Variants in DGCR8 observed in about 807,000 individuals in gnomAD.
The protein encoded by DGCR8 is microprocessor complex subunit DGCR8.
DGCR8 carries 14 observed loss-of-function variants against 78.5 expected under a neutral mutation model. The ratio of observed to expected loss-of-function variants is 0.18; its 90% CI spans 0.12 to 0.28. The LOEUF (loss-of-function observed/expected upper bound fraction) is 0.28. Among genes scored for constraint, DGCR8 ranks in the 10% least tolerant of loss-of-function variants. DGCR8 has a pLI of 1.00. For synonymous variants in DGCR8, 399 were observed against 402.4 expected (o/e 0.99, Z 0.10); for missense variants, 702 against 1,022.5 (o/e 0.69, Z 4.28).
Position 20,085,720 on chromosome 22 carries a change from A to G in DGCR8, c.-244A>G. 1 of 1,338,208 alleles carries G rather than the reference A, an allele frequency of 7.5e-7. No individual in the cohort carries two copies. The highest frequency in any genetic ancestry group is 9.5e-7 in the Non-Finnish European group (1 of 1,049,492). The allele number at this position is 1,338,208 out of a possible 1,614,324, so 82.9% of individuals were successfully genotyped here. A position where few individuals can be genotyped will look rare whatever the true frequency, so the allele number is the denominator to read the frequency against. On this transcript the variant is annotated 5_prime_UTR_variant, in exon 2 of 14. Coordinates refer to ENST00000351989, the MANE Select transcript of DGCR8 (RefSeq NM_022720.7). This position sits in a 1 kb window ranked among gnomAD's most constrained non-coding sequence, Gnocchi z 6.2. ...AGAAAGGTGCCACTCCGGCATGAAG[A>G]CAGACTCGCTTAGTCGCCAGTCACT...
At chr22:20,084,379 G>T (rs139998404) in intron 1 of DGCR8, among the ~76,000 whole-genome samples, 1 of 152,232 alleles carries the variant, frequency 6.6e-6, no homozygotes, top group Non-Finnish European at 1.5e-5. Flanking sequence ...GCATGTGCGT[G>T]TGTCTGCATG....
rs531291188 is a variant in DGCR8, at chr22:20,109,908, C to T, written c.2239-117C>T. 869 of 960,314 alleles carry T rather than the reference C, an allele frequency of 9.0e-4. 5 individuals are homozygous for T. In the African/African-American group the frequency reaches 0.011, roughly 12 times the overall value. The allele number at this position is 960,314 out of a possible 1,614,324, so 59.5% of individuals were successfully genotyped here. On this transcript the variant is annotated intron_variant, in intron 13 of 13. Coordinates refer to ENST00000351989, the MANE Select transcript of DGCR8 (RefSeq NM_022720.7). Reference sequence around the variant, plus strand: ...AGCCTGGCATCACAAGCACTGGTGCCGTTGGGGCTCCAGGGCCTCCTGGCA... The same window carrying T: ...AGCCTGGCATCACAAGCACTGGTGCTGTTGGGGCTCCAGGGCCTCCTGGCA...
chr22:20,092,789 C>A lies in DGCR8; in HGVS notation c.1607-20C>A. On this transcript the variant is annotated intron_variant, in intron 7 of 13. Coordinates refer to ENST00000351989, the MANE Select transcript of DGCR8 (RefSeq NM_022720.7). ...ATGTCTTGACTCGTATGTTTTAAAACAAGTAATTTTAATTTTAAGAGAACC... is the reference window on the plus strand; with the variant it reads ...ATGTCTTGACTCGTATGTTTTAAAAAAAGTAATTTTAATTTTAAGAGAACC... 1 of 1,599,022 alleles carries A rather than the reference C, an allele frequency of 6.3e-7. No homozygotes were observed. Among genetic ancestry groups the A allele is most frequent in the Non-Finnish European group, 8.6e-7 (1 of 1,167,560 alleles).
rs545677700 is a variant in DGCR8 at position 20,087,425 on chromosome 22, T to C, written c.880+104T>C. 2 of 1,339,594 alleles carry C rather than the reference T, an allele frequency of 1.5e-6. No homozygotes were observed. The highest frequency in any genetic ancestry group is 5.0e-5 in the East Asian group (2 of 40,080). The allele number at this position is 1,339,594 out of a possible 1,614,324, so 83.0% of individuals were successfully genotyped here. On this transcript the variant is annotated intron_variant, in intron 3 of 13. Transcript: ENST00000351989. This position sits in a 1 kb window ranked among gnomAD's most constrained non-coding sequence, Gnocchi z 4.1. ...AGAGCTCTGGTGCCAGGTAGTGGGC[T>C]GGGTGGAGGCATGTTTGAGGACAGG...
At chr22:20,099,493 A>T (rs562261087) in intron 9 of DGCR8, among the ~76,000 whole-genome samples, 3 of 152,296 alleles carry the variant, frequency 2.0e-5, no homozygotes, top group Non-Finnish European at 4.4e-5. Context: ...TGGGGCCTTG[A>T]GGACCCGTTC....
chr22:20,091,684 AATGTG>A, intron 6 of DGCR8, 52 bp downstream of exon 6: 1 of 1,598,236 alleles, frequency 6.3e-7, no homozygotes, highest in Middle Eastern at 1.7e-4. Flanking sequence ...TGTTATTTCT[AATGTG>A]ATGTGTTGAG....
chr22:20,081,389 G>A (rs2049416617), intron 1 of DGCR8, among the ~76,000 whole-genome samples: 1 of 152,228 alleles, frequency 6.6e-6, no homozygotes, highest in Non-Finnish European at 1.5e-5. Context: ...AGCTTGCCGT[G>A]AGCCCGTTCC....
rs146392041 is a variant in DGCR8, at chr22:20,104,770, G to T, written c.1789-1407G>T. 9.6e-3 allele frequency among the ~76,000 whole-genome samples: 1,463 copies of T among 152,320 alleles called. 13 individuals carry two copies. The highest frequency in any genetic ancestry group is 0.015 in the Non-Finnish European group (1,054 of 68,016). ...CCAAGCCATACCTCGAGGATTTTTCGCTTGCCAACCTCAGGGCTAGTGCCT... is the reference window on the plus strand; with the variant it reads ...CCAAGCCATACCTCGAGGATTTTTCTCTTGCCAACCTCAGGGCTAGTGCCT... On this transcript the variant is annotated intron_variant, in intron 9 of 13. Transcript: ENST00000351989.
At chr22:20,095,265 C>T (rs1370004540) in intron 9 of DGCR8, among the ~76,000 whole-genome samples, 1 of 152,124 alleles carries the variant, frequency 6.6e-6, no homozygotes, top group Non-Finnish European at 1.5e-5. Flanking sequence ...GCCACCATTT[C>T]TGGCTAATTT....
chr22:20,099,914 C>T (rs1395901936), intron 9 of DGCR8, among the ~76,000 whole-genome samples: 3 of 152,144 alleles, frequency 2.0e-5, no homozygotes, highest in African/African-American at 7.2e-5. Flanking sequence ...GGATTACAGG[C>T]GTGAGCCACC....
Position 20,085,157 on chromosome 22 carries a change from G to A in DGCR8, c.-277-530G>A. 3.4e-6 allele frequency: 2 copies of A among 580,846 alleles called. No homozygotes were observed. The highest frequency in any genetic ancestry group is 4.3e-6 in the Non-Finnish European group (2 of 460,008). The allele number at this position is 580,846 out of a possible 1,614,324, so 36.0% of individuals were successfully genotyped here. On this transcript the variant is annotated intron_variant, in intron 1 of 13. Coordinates refer to ENST00000351989, the MANE Select transcript of DGCR8 (RefSeq NM_022720.7). The surrounding 1 kb of genome is among the most constrained non-coding windows in gnomAD (Gnocchi z 6.2). ...TCCACGTGCTACCCTGTGGGCCCAG[G>A]AGAGCCCTGGGGTCCCTGGGTAGCA...
rs2049493018 is a variant in DGCR8 at position 20,087,025 on chromosome 22, T to G, written c.721-137T>G. ...TTCATCCTGTTTGTTTTTCAGATGATCATGCACCCTAAGGGCACATCTAGG... is the reference window on the plus strand; with the variant it reads ...TTCATCCTGTTTGTTTTTCAGATGAGCATGCACCCTAAGGGCACATCTAGG... On this transcript the variant is annotated intron_variant, in intron 2 of 13. Transcript: ENST00000351989. This position sits in a 1 kb window ranked among gnomAD's most constrained non-coding sequence, Gnocchi z 4.1. The G allele has an allele frequency of 1.7e-6, 2 of 1,149,220 alleles. No individual in the cohort carries two copies. Among genetic ancestry groups the G allele is most frequent in the African/African-American group, 3.1e-5 (2 of 64,500 alleles). The allele number at this position is 1,149,220 out of a possible 1,614,324, so 71.2% of individuals were successfully genotyped here. A position where few individuals can be genotyped will look rare whatever the true frequency, so the allele number is the denominator to read the frequency against.
chr22:20,100,362 G>C (rs1231243581), intron 9 of DGCR8: 7 of 985,262 alleles, frequency 7.1e-6, no homozygotes, highest in Non-Finnish European at 8.4e-6. Context: ...ACTGCACCTG[G>C]CCACATTTGA....
intron 7 of DGCR8, 101 bp from the exon 8 acceptor site, chr22:20,092,708 A>T: frequency 1.0e-6 from 1 of 998,048 alleles, no homozygotes; most frequent in South Asian, 1.5e-5. Flanking sequence ...CTCTGCAGGG[A>T]CAGCCCCTGA....
intron 9 of DGCR8, chr22:20,101,543 A>C: frequency 4.1e-6 from 4 of 970,592 alleles, no homozygotes; most frequent in Non-Finnish European, 4.9e-6. Context: ...GCGCCACTGC[A>C]CTCCAGCCTG....
Position 20,085,646 on chromosome 22 carries a change from T to C in DGCR8, c.-277-41T>C. ...AACTTGGTACCAGGGAATTGGAAGGTTTCTGTCATTTTGTGACGATATTTT... is the reference window on the plus strand; with the variant it reads ...AACTTGGTACCAGGGAATTGGAAGGCTTCTGTCATTTTGTGACGATATTTT... On this transcript the variant is annotated intron_variant, in intron 1 of 13. Coordinates refer to ENST00000351989, the MANE Select transcript of DGCR8 (RefSeq NM_022720.7). The surrounding 1 kb of genome is among the most constrained non-coding windows in gnomAD (Gnocchi z 6.2). 1 of 1,282,362 alleles carries C rather than the reference T, an allele frequency of 7.8e-7. No individual in the cohort carries two copies. Among genetic ancestry groups the C allele is most frequent in the South Asian group, 3.0e-5 (1 of 32,894 alleles). 79.4% of individuals were successfully genotyped at this position (1,282,362 alleles called of 1,614,324 possible). A position where few individuals can be genotyped will look rare whatever the true frequency, so the allele number is the denominator to read the frequency against.
intron 9 of DGCR8, chr22:20,101,409 T>C (rs1778075531): frequency 1.4e-6 from 1 of 702,992 alleles, no homozygotes; most frequent in Non-Finnish European, 1.7e-6. Context: ...ACCCCGTCTC[T>C]ACTAAAAACA....
intron 1 of DGCR8, among the ~76,000 whole-genome samples, chr22:20,081,317 G>A (rs954613108): frequency 6.6e-6 from 1 of 152,246 alleles, no homozygotes; most frequent in African/African-American, 2.4e-5. Context: ...ACAGCAAGTG[G>A]GCTAGGAGGA....
At position 20,087,120 on chromosome 22, in the gene DGCR8, T is replaced by C. The variant is rs1448155037; in HGVS notation, c.721-42T>C. ...GTTGAGCTCTCCTGTTGCAGGAGCA[T>C]GAGCGCCAGGGGCTCTGGTGTCTGA... On this transcript the variant is annotated intron_variant, in intron 2 of 13. Coordinates refer to ENST00000351989, the MANE Select transcript of DGCR8 (RefSeq NM_022720.7). The surrounding 1 kb of genome is among the most constrained non-coding windows in gnomAD (Gnocchi z 4.1). The C allele has an allele frequency of 3.2e-6, 5 of 1,569,970 alleles. No individual in the cohort carries two copies. Among genetic ancestry groups the C allele is most frequent in the East Asian group, 2.3e-5 (1 of 44,330 alleles).
Sources: gnomAD v4.1 joint callset for allele counts (sites outside exome capture counted in the v4.1 genomes callset) on GRCh38, gnomAD v4.1.1 for gene constraint, Gnocchi (gnomAD v3.1) non-coding constraint, MANE v1.5 for transcripts, NCBI Gene and HGNC (gene_info 2026-07-23, HGNC 2026-07-21) for gene names.